SORL1: variants seen among roughly 807,000 people sequenced by gnomAD.
The protein encoded by SORL1 is sortilin related receptor 1.
SORL1 carries 127 observed loss-of-function variants against 273.7 expected under a neutral mutation model. The observed-to-expected ratio is 0.46, with a 90% CI of 0.40 to 0.54. The LOEUF is 0.54. SORL1 is among the 20% of genes least tolerant of loss of function. The pLI is 0.00. For missense variants in SORL1, 2,494 were observed against 2,846.1 expected (o/e 0.88, Z 2.81); for synonymous variants, 1,031 against 1,067.4 (o/e 0.97, Z 0.66).
chr11:121,488,786 G>C (rs945479079), intron 4 of SORL1, among the ~76,000 whole-genome samples: 1 of 152,200 alleles, frequency 6.6e-6, no homozygotes, highest in Admixed American at 6.5e-5. Context: ...CCAAGTCAAG[G>C]ATATTAGTTT....
rs954865051 is a variant in SORL1, at chr11:121,555,841, A to T, written c.2571+523A>T. On this transcript the variant is annotated intron_variant, in intron 18 of 47. Coordinates refer to ENST00000260197, the MANE Select transcript of SORL1 (RefSeq NM_003105.6). ...CCCACCTTATATACCCAAGGCAAGG[A>T]TGATGAGTGACCTCTAAACTGCCAA... is the stretch of plus-strand genomic sequence containing the variant. Among the ~76,000 whole-genome samples the T allele has an allele frequency of 2.0e-5, 3 of 152,300 alleles. No individual in the cohort carries two copies. In the East Asian group the frequency reaches 5.8e-4, roughly 29 times the overall value.
intron 2 of SORL1, among the ~76,000 whole-genome samples, chr11:121,476,778 CCCTCCCTTCCTT>C (rs1861275538): frequency 2.9e-5 from 4 of 137,522 alleles, no homozygotes; most frequent in Non-Finnish European, 6.3e-5. Context: ...CTCCCTCCCT[CCCTCCCTTCCTT>C]CCTCCCTTCC....
rs1196959024 is a variant in SORL1, at chr11:121,463,257, C to CCCT, written c.286-6750_286-6749insCCT. On this transcript the variant is annotated intron_variant, in intron 1 of 47. Transcript: ENST00000260197. ...GATTCTTTCTGGCTTTGATATTTTC[C>CCCT]TCATTTTTTTTTTGCCAACTGGTAA... Among the ~76,000 whole-genome samples, 14 of 118,812 alleles carry CCCT rather than the reference C, an allele frequency of 1.2e-4. No individual in the cohort carries two copies. In the Middle Eastern group the frequency reaches 0.015, roughly 128 times the overall value. 77.9% of individuals were successfully genotyped at this position (118,812 alleles called of 152,430 possible).
intron 11 of SORL1, 74 bp downstream of exon 11, chr11:121,523,063 C>T: frequency 9.9e-7 from 1 of 1,005,838 alleles, no homozygotes; most frequent in Non-Finnish European, 1.6e-6. Context: ...TGTGCCTTGG[C>T]ATTTCAGGGA....
chr11:121,467,284 G>A (rs1784934), intron 1 of SORL1, among the ~76,000 whole-genome samples: 51,575 of 151,894 alleles, frequency 0.34, 9,434 homozygotes, highest in East Asian at 0.56. Context: ...GATGTTTTGA[G>A]GCTTGCCCTT....
In SORL1 at chr11:121,588,136, G is replaced by T. The variant is rs760825480; in HGVS notation, c.3931G>T (p.Ala1311Ser). ...QCRDGSDEDAAFAGCSQDPEF... is the reference protein window; with the variant it reads ...QCRDGSDEDASFAGCSQDPEF... The stretch of plus-strand genomic sequence containing the variant: ...CCGCGACGGGTCCGATGAGGATGCG[G>T]CGTTTGCAGGATGCTGTGAGTTGGG... Residue 1311 changes from alanine (A) to serine (S), a missense_variant, in exon 28 of 48, where the codon GCG becomes TCG. By Grantham distance (99) the Ala-to-Ser change is moderately conservative (BLOSUM62 1). Transcript: ENST00000260197. The T allele has an allele frequency of 3.7e-5, 60 of 1,613,414 alleles. No homozygotes were observed. The East Asian group carries it at 1.2e-3, about 32-fold the overall frequency.
rs1862625467 is a variant in SORL1 at position 121,558,511 on chromosome 11, C to CTGAGTAGTATT, written c.2664-77_2664-76insGTAGTATTTGA. 4.7e-6 allele frequency: 7 copies of CTGAGTAGTATT among 1,495,434 alleles called. No individual in the cohort carries two copies. In the East Asian group the frequency reaches 1.6e-4, roughly 34 times the overall value. The allele number at this position is 1,495,434 out of a possible 1,614,324, so 92.6% of individuals were successfully genotyped here. On this transcript the variant is annotated intron_variant, in intron 19 of 47. Transcript: ENST00000260197. ...CAGCCGGATCATTCGAAAGGAGTTT[C>CTGAGTAGTATT]TGACCTTTTCTGGAGTAGTATTTGA...
At chr11:121,579,713 A>G (rs577781090) in intron 25 of SORL1, among the ~76,000 whole-genome samples, 1 of 152,332 alleles carries the variant, frequency 6.6e-6, no homozygotes, top group East Asian at 1.9e-4. Context: ...TTTTAGTTTT[A>G]TATTAAAAAA....
At chr11:121,618,975 T>C (rs2134944686) in intron 42 of SORL1, 82 bp downstream of exon 42, 1 of 1,460,856 alleles carries the variant, frequency 6.8e-7, no homozygotes, top group Non-Finnish European at 9.5e-7. Context: ...CTGGGGAGCT[T>C]GCATACCTGG....
chr11:121,499,630 G>A (rs919749309), intron 6 of SORL1, among the ~76,000 whole-genome samples: 1 of 152,210 alleles, frequency 6.6e-6, no homozygotes, highest in Admixed American at 6.5e-5. Context: ...CAAAATATGT[G>A]CTTTCCTCCT....
At chr11:121,511,789 T>C (rs946735545) in intron 6 of SORL1, among the ~76,000 whole-genome samples, 1 of 152,246 alleles carries the variant, frequency 6.6e-6, no homozygotes, top group African/African-American at 2.4e-5. Flanking sequence ...TTATGGGGCA[T>C]GTTTGAGCAC....
chr11:121,555,722 G>C (rs145701636), intron 18 of SORL1, among the ~76,000 whole-genome samples: 1 of 151,852 alleles, frequency 6.6e-6, no homozygotes, highest in East Asian at 1.9e-4. Flanking sequence ...TATTTTATTC[G>C]ATTAGAGTGA....
chr11:121,496,879 C>G lies in SORL1; in HGVS notation c.769C>G (p.Pro257Ala). 1 of 1,605,004 alleles carries G rather than the reference C, an allele frequency of 6.2e-7. No homozygotes were observed. Among genetic ancestry groups the G allele is most frequent in the South Asian group, 1.1e-5 (1 of 89,922 alleles). The part of the protein sequence containing the change: ...HVKSFSWGID[P>A]YDKPNTIYIE... ...TTTTTTTTCTGCCAGGGGAATTGATCCCTATGACAAACCAAATACCATCTA... is the reference window on the plus strand; with the variant it reads ...TTTTTTTTCTGCCAGGGGAATTGATGCCTATGACAAACCAAATACCATCTA... The change falls in exon 6 of 48, where the codon CCC (proline) becomes GCC (alanine). Residue 257 changes from proline (P) to alanine (A), a missense_variant. Transcript: ENST00000260197.
chr11:121,623,529 G>T (rs534233694), intron 45 of SORL1, among the ~76,000 whole-genome samples: 2 of 152,212 alleles, frequency 1.3e-5, no homozygotes, highest in African/African-American at 2.4e-5. Flanking sequence ...GTTAAATAAC[G>T]TATGGGTGGT....
Position 121,502,174 on chromosome 11 carries a change from C to G in SORL1, c.939+5125C>G, listed in dbSNP as rs570048524. 8.7e-5 allele frequency among the ~76,000 whole-genome samples: 10 copies of G among 114,968 alleles called. No homozygotes were observed. In the Admixed American group the frequency reaches 1.1e-3, roughly 13 times the overall value. 75.4% of individuals were successfully genotyped at this position (114,968 alleles called of 152,430 possible). On this transcript the variant is annotated intron_variant, in intron 6 of 47. Transcript: ENST00000260197. ...TTTTTGAGATGGAGTCTCACTCTGT[C>G]GCTCAGGCTGGAGTGCAGTGGTGTG...
At chr11:121,574,140 C>G (rs1591333687) in intron 23 of SORL1, 101 bp from the exon 24 acceptor site, 1 of 1,167,984 alleles carries the variant, frequency 8.6e-7, no homozygotes, top group East Asian at 2.4e-5. Context: ...CAATTAATAC[C>G]TGCTTTCTTC....
intron 24 of SORL1, chr11:121,576,898 G>T (rs1213933405): frequency 6.5e-7 from 1 of 1,535,636 alleles, no homozygotes; most frequent in South Asian, 1.2e-5. Flanking sequence ...TGTGTCTGTA[G>T]GAGTCCTCTG....
rs1863295116 is a variant in SORL1, at chr11:121,596,346, T to C, written c.4519+574T>C. On this transcript the variant is annotated intron_variant, in intron 32 of 47. Coordinates refer to ENST00000260197, the MANE Select transcript of SORL1 (RefSeq NM_003105.6). This position sits in a 1 kb window ranked among gnomAD's most constrained non-coding sequence, Gnocchi z 4.3. ...TTTGGAGTTGGTGGGTCCTGGTGTT[T>C]GGTCCTCTGATGAACCCAGGGAGGA... Among the ~76,000 whole-genome samples, 1 of 152,222 alleles carries C rather than the reference T, an allele frequency of 6.6e-6. No homozygotes were observed. The highest frequency in any genetic ancestry group is 1.5e-5 in the Non-Finnish European group (1 of 68,034).
Position 121,618,846 on chromosome 11 carries a change from CACA to C in SORL1, c.5682_5684del (p.Asn1894del). 1 of 1,614,124 alleles carries C rather than the reference CACA, an allele frequency of 6.2e-7. No individual in the cohort carries two copies. Among genetic ancestry groups the C allele is most frequent in the South Asian group, 1.1e-5 (1 of 91,088 alleles). ...CCCGAAGAGCTTGACTACTTCACTC[CACA>C]ACAAGACGGTCATTGTCAGTAAGGA... On this transcript the variant is annotated inframe_deletion, in exon 42 of 48. Transcript: ENST00000260197.
Sources: allele counts gnomAD v4.1 joint callset (sites outside exome capture counted in the v4.1 genomes callset), GRCh38; gene constraint gnomAD v4.1.1; non-coding constraint Gnocchi (gnomAD v3.1); transcripts MANE v1.5; gene names NCBI Gene and HGNC (gene_info 2026-07-23, HGNC 2026-07-21).